Variants in NCOA5 observed in about 807,000 individuals in gnomAD.
NCOA5 encodes nuclear receptor coactivator 5, also known as NCoA-5.
Under a neutral mutation model 59.0 loss-of-function variants are expected in NCOA5, and 12 were observed. The ratio of observed to expected loss-of-function variants is 0.20; its 90% CI spans 0.13 to 0.33. The LOEUF is 0.33. Ranked by LOEUF, NCOA5 falls within the 10% of genes least tolerant of loss-of-function variation. The pLI, the probability that NCOA5 is intolerant of heterozygous loss-of-function variation, is 1.00. For synonymous variants in NCOA5, 270 were observed against 275.5 expected, an observed-to-expected ratio of 0.98 and a Z score of 0.20; for missense variants, 655 against 766.6, an observed-to-expected ratio of 0.85 and a Z score of 1.72.
At chr20:46,073,510 A>G (rs898365742) in intron 2 of NCOA5, among the ~76,000 whole-genome samples, 16 of 152,194 alleles carry the variant, frequency 1.1e-4, no homozygotes, top group African/African-American at 3.9e-4. Context: ...TAATGTGGGC[A>G]AACACTCAAG....
At chr20:46,078,925 C>T (rs1325914831) in intron 2 of NCOA5, among the ~76,000 whole-genome samples, 1 of 152,162 alleles carries the variant, frequency 6.6e-6, no homozygotes, top group Non-Finnish European at 1.5e-5. Flanking sequence ...AACAGGGGAT[C>T]TGCAGCACAG....
chr20:46,070,530 T>C lies in NCOA5; in HGVS notation c.45A>G (p.Pro15=), dbSNP rs997852387. ...PSRPSPTRRD[P]YGFGDSRDSR... Reference sequence around the variant, plus strand: ...AATCTCGACTGTCTCCAAAGCCATATGGATCCCTGTGGGAGGTAGCAAGAA... The same window carrying C: ...AATCTCGACTGTCTCCAAAGCCATACGGATCCCTGTGGGAGGTAGCAAGAA... The change falls in exon 3 of 8, where the codon CCA becomes CCG. Residue 15 remains proline (P), a synonymous_variant. Coordinates refer to ENST00000290231, the MANE Select transcript of NCOA5 (RefSeq NM_020967.3). 11 of 1,613,330 alleles carry C rather than the reference T, an allele frequency of 6.8e-6. No homozygotes were observed. Among genetic ancestry groups the C allele is most frequent in the Non-Finnish European group, 9.3e-6 (11 of 1,179,462 alleles).
chr20:46,082,613 C>T (rs1015709880), intron 1 of NCOA5, among the ~76,000 whole-genome samples: 4 of 152,198 alleles, frequency 2.6e-5, no homozygotes, highest in Non-Finnish European at 5.9e-5. Flanking sequence ...TTGGGTGATA[C>T]TTCTATACTT....
In NCOA5 at chr20:46,062,767, G is replaced by A. The variant is rs1188589979; in HGVS notation, c.1273C>T (p.Pro425Ser). 6.2e-7 allele frequency: 1 copy of A among 1,605,272 alleles called. No individual in the cohort carries two copies. Among genetic ancestry groups the A allele is most frequent in the Non-Finnish European group, 8.5e-7 (1 of 1,175,052 alleles). Residue 425 changes from proline to serine, a missense_variant, in exon 8 of 8, where the codon CCC becomes TCC. By Grantham distance (74) the Pro-to-Ser change is moderately conservative. Transcript: ENST00000290231. ...GCCTGAAGCTCTTGCTGGGAGGTGG[G>A]GGGTGCAGATGGAGTGGGTGTAGCA... ...PSATPTPSAP[P>S]TSQQELQAKI... is the part of the protein sequence containing the mutation.
rs528392048 is a variant in NCOA5, at chr20:46,075,148, G to C, written c.38+4239C>G. ...AGACTTGTCCAGAATATTGCCATTAGGTGGAGGTAGGATATGGACGTGCAA... is the reference window on the plus strand; with the variant it reads ...AGACTTGTCCAGAATATTGCCATTACGTGGAGGTAGGATATGGACGTGCAA... On this transcript the variant is annotated intron_variant, in intron 2 of 7. Coordinates refer to ENST00000290231, the MANE Select transcript of NCOA5 (RefSeq NM_020967.3). Among the ~76,000 whole-genome samples the C allele has an allele frequency of 7.2e-5, 11 of 152,326 alleles. 1 individual carries two copies. Among genetic ancestry groups the C allele is most frequent in the Admixed American group, 7.2e-4 (11 of 15,306 alleles).
intron 2 of NCOA5, among the ~76,000 whole-genome samples, chr20:46,071,014 C>A (rs376285092): frequency 4.2e-4 from 64 of 152,142 alleles, no homozygotes; most frequent in African/African-American, 1.3e-3. Context: ...GAAAAAATTA[C>A]TATAAGATAC....
chr20:46,088,502 T>G (rs1053150533), intron 1 of NCOA5, among the ~76,000 whole-genome samples: 3 of 152,186 alleles, frequency 2.0e-5, no homozygotes, highest in Non-Finnish European at 4.4e-5. Flanking sequence ...GACTGACTCA[T>G]AGAGAAAACA....
At chr20:46,063,021 C>T in intron 7 of NCOA5, 132 bp from the exon 8 acceptor site, 1 of 785,640 alleles carries the variant, frequency 1.3e-6, no homozygotes, top group East Asian at 2.7e-5. Flanking sequence ...ATCAATTTCC[C>T]AAAGAGGCCG....
intron 1 of NCOA5, among the ~76,000 whole-genome samples, chr20:46,087,802 G>C (rs150526980): frequency 6.6e-6 from 1 of 152,260 alleles, no homozygotes; most frequent in Non-Finnish European, 1.5e-5. Context: ...CTCAAGCACT[G>C]GTAGATGAGT....
chr20:46,083,818 G>A (rs889877349), intron 1 of NCOA5, among the ~76,000 whole-genome samples: 2 of 152,124 alleles, frequency 1.3e-5, no homozygotes, highest in South Asian at 2.1e-4. Flanking sequence ...AGGACTTCTC[G>A]CTAAACTATA....
chr20:46,062,605 C>G lies in NCOA5; in HGVS notation c.1435G>C (p.Ala479Pro), dbSNP rs769472367. Residue 479 changes from alanine (A) to proline (P), a missense_variant, in exon 8 of 8, where the codon GCT becomes CCT. This residue lies in a region of NCOA5 where 325 missense variants were observed against 353.2 expected (regional missense o/e 0.92). Coordinates refer to ENST00000290231, the MANE Select transcript of NCOA5 (RefSeq NM_020967.3). ...ATGCTTGGAGGCTGATTGCCAGAAG[C>G]CTGTGATCTTTGTTGAGGCTGGCTG... The part of the protein sequence containing the change: ...ANSQPQQRSQ[A>P]SGNQPPSILG... 2.5e-6 allele frequency: 4 copies of G among 1,614,170 alleles called. No homozygotes were observed. The highest frequency in any genetic ancestry group is 2.2e-5 in the East Asian group (1 of 44,880).
rs111466922 is a variant in NCOA5 at position 46,084,731 on chromosome 20, T to C, written c.-30+5086A>G. On this transcript the variant is annotated intron_variant, in intron 1 of 7. Transcript: ENST00000290231. ...ATGGATATTCTGCCTGTGTTAGCTA[T>C]GTTGACTCAAGGAGAAAAATCAGCT... is the stretch of plus-strand genomic sequence containing the variant. Among the ~76,000 whole-genome samples the C allele has an allele frequency of 6.1e-4, 93 of 152,336 alleles. No homozygotes were observed. The Middle Eastern group carries it at 0.014, about 22-fold the overall frequency.
intron 1 of NCOA5, among the ~76,000 whole-genome samples, chr20:46,088,363 A>G (rs560183284): frequency 6.6e-6 from 1 of 152,372 alleles, no homozygotes; most frequent in Non-Finnish European, 1.5e-5. Context: ...GCTCAAAGAA[A>G]GGCAAAGAAA....
chr20:46,080,771 C>T (rs1219136493), intron 1 of NCOA5, among the ~76,000 whole-genome samples: 1 of 151,996 alleles, frequency 6.6e-6, no homozygotes, highest in Non-Finnish European at 1.5e-5. Context: ...CTTACCTTTT[C>T]AATTAAGCAG....
At position 46,062,364 on chromosome 20, in the gene NCOA5, C is replaced by T; in HGVS notation, c.1676G>A (p.Ser559Asn). ...QSGPALSHLV[S>N]QTTAQMGQPQ... is the part of the protein sequence containing the mutation. ...CTGCCCCATCTGTGCTGTGGTCTGG[C>T]TAACCAGGTGGGAGAGAGCAGGGCC... The change falls in exon 8 of 8, where the codon AGC (serine) becomes AAC (asparagine). Residue 559 changes from serine (S) to asparagine (N), a missense_variant. This residue lies in a region of NCOA5 where 325 missense variants were observed against 353.2 expected (regional missense o/e 0.92). Coordinates refer to ENST00000290231, the MANE Select transcript of NCOA5 (RefSeq NM_020967.3). 1 of 1,614,132 alleles carries T rather than the reference C, an allele frequency of 6.2e-7. No individual in the cohort carries two copies. Among genetic ancestry groups the T allele is most frequent in the African/African-American group, 1.3e-5 (1 of 75,050 alleles).
In NCOA5 at chr20:46,062,287, GA is replaced by G. The variant is rs778985096; in HGVS notation, c.*12del. ...GGGGATGAGGGGACTGGGGAGAGTT[GA>G]AAGATTTAGCTTCAGTAATGCCTCT... is the stretch of plus-strand genomic sequence containing the variant. On this transcript the variant is annotated 3_prime_UTR_variant, in exon 8 of 8. Transcript: ENST00000290231. The G allele has an allele frequency of 5.0e-6, 8 of 1,602,282 alleles. No homozygotes were observed. Among genetic ancestry groups the G allele is most frequent in the Non-Finnish European group, 6.8e-6 (8 of 1,171,922 alleles).
At chr20:46,064,713 A>G (rs1044723168) in intron 6 of NCOA5, among the ~76,000 whole-genome samples, 3 of 152,184 alleles carry the variant, frequency 2.0e-5, no homozygotes, top group Non-Finnish European at 4.4e-5. Context: ...GAACTGAAAC[A>G]TGGTGGGAGT....
intron 6 of NCOA5, among the ~76,000 whole-genome samples, chr20:46,064,472 A>C (rs188530140): frequency 7.2e-5 from 11 of 152,346 alleles, no homozygotes; most frequent in Admixed American, 5.9e-4. Context: ...GGGCCTCTAC[A>C]GGGTCACGGC....
chr20:46,079,595 G>A (rs987940073), intron 1 of NCOA5, 142 bp from the exon 2 acceptor site: 1 of 667,634 alleles, frequency 1.5e-6, no homozygotes, highest in South Asian at 1.8e-5. Flanking sequence ...GAGACACACT[G>A]TCACTTGGGC....
Sources: gnomAD v4.1 joint callset for allele counts (sites outside exome capture counted in the v4.1 genomes callset) on GRCh38, gnomAD v4.1.1 for gene constraint, gnomAD v4.1.1 regional missense constraint, MANE v1.5 for transcripts, NCBI Gene and HGNC (gene_info 2026-07-23, HGNC 2026-07-21) for gene names.